Variants in RBM12 observed in about 807,000 individuals in gnomAD.
RBM12 encodes the protein RNA-binding protein 12.
Under a neutral mutation model 37.2 loss-of-function variants are expected in RBM12, and 24 were observed. The observed-to-expected ratio is 0.65, with a 90% confidence interval of 0.47 to 0.91. RBM12 has a LOEUF of 0.91. RBM12 is among the 40% of genes least tolerant of loss of function. The pLI is 0.00. For missense variants in RBM12, 1,061 were observed against 1,183.2 expected, an observed-to-expected ratio of 0.90 and a Z score of 1.52; for synonymous variants, 420 against 425.2, an observed-to-expected ratio of 0.99 and a Z score of 0.15.
rs1228725956 is a variant in RBM12, at chr20:35,655,161, C to G, written c.162G>C (p.Arg54Ser). 6.2e-7 allele frequency: 1 copy of G among 1,614,080 alleles called. No individual in the cohort carries two copies. The highest frequency in any genetic ancestry group is 8.5e-7 in the Non-Finnish European group (1 of 1,180,048). ...TACCACCTGTGCGCATCATACCAAG[C>G]CTTGCATCTTCATCAGTGGCAAAAA... ...FIVFATDEDA[R>S]LGMMRTGGTI... Residue 54 changes from arginine to serine, a missense_variant, in exon 3 of 3, where the codon AGG becomes AGC. By Grantham distance (110) the Arg-to-Ser change is moderately radical. This residue lies in a region of RBM12 where 540 missense variants were observed against 632.7 expected (regional missense o/e 0.85). Coordinates refer to ENST00000374114, the MANE Select transcript of RBM12 (RefSeq NM_006047.6).
chr20:35,656,349 T>C (rs2033895420), intron 2 of RBM12, among the ~76,000 whole-genome samples: 1 of 152,102 alleles, frequency 6.6e-6, no homozygotes, highest in Admixed American at 6.6e-5. Context: ...TTTGACATAA[T>C]CAAAAAAGAA....
At position 35,652,467 on chromosome 20, in the gene RBM12, T is replaced by C. The variant is rs1333610661; in HGVS notation, c.*57A>G. The C allele has an allele frequency of 1.3e-6, 2 of 1,525,156 alleles. No individual in the cohort carries two copies. Among genetic ancestry groups the C allele is most frequent in the Non-Finnish European group, 1.8e-6 (2 of 1,132,266 alleles). 94.5% of individuals were successfully genotyped at this position (1,525,156 alleles called of 1,614,324 possible). A position where few individuals can be genotyped will look rare whatever the true frequency, so the allele number is the denominator to read the frequency against. The stretch of plus-strand genomic sequence containing the variant: ...ACCTGGAAATACTAGGAAAACAATC[T>C]GGATGCATTAATCACAGCAATATGA... On this transcript the variant is annotated 3_prime_UTR_variant, in exon 3 of 3. Transcript: ENST00000374114.
intron 1 of RBM12, among the ~76,000 whole-genome samples, chr20:35,662,191 T>C (rs188861582): frequency 1.7e-3 from 259 of 152,326 alleles, no homozygotes; most frequent in African/African-American, 6.0e-3. Context: ...CAGAAGACAT[T>C]TCTAAATAAG....
chr20:35,658,272 T>G (rs970634904), intron 2 of RBM12, among the ~76,000 whole-genome samples: 1 of 152,126 alleles, frequency 6.6e-6, no homozygotes, highest in Non-Finnish European at 1.5e-5. Context: ...CTTAAACTCT[T>G]AGGAAATATA....
At position 35,652,462 on chromosome 20, in the gene RBM12, C is replaced by G; in HGVS notation, c.*62G>C. ...TTCTAACCTGGAAATACTAGGAAAACAATCTGGATGCATTAATCACAGCAA... is the reference window on the plus strand; with the variant it reads ...TTCTAACCTGGAAATACTAGGAAAAGAATCTGGATGCATTAATCACAGCAA... On this transcript the variant is annotated 3_prime_UTR_variant, in exon 3 of 3. Transcript: ENST00000374114. 6.6e-7 allele frequency: 1 copy of G among 1,517,836 alleles called. No individual in the cohort carries two copies. Among genetic ancestry groups the G allele is most frequent in the East Asian group, 2.3e-5 (1 of 44,146 alleles). 94.0% of individuals were successfully genotyped at this position (1,517,836 alleles called of 1,614,324 possible).
chr20:35,657,853 GA>G (rs2033992896), intron 2 of RBM12, among the ~76,000 whole-genome samples: 1 of 152,116 alleles, frequency 6.6e-6, no homozygotes, highest in African/African-American at 2.4e-5. Context: ...CCGAGGTCAG[GA>G]GTTCAAGACC....
intron 1 of RBM12, among the ~76,000 whole-genome samples, chr20:35,659,411 AC>A (rs1255846864): frequency 1.3e-5 from 2 of 152,240 alleles, no homozygotes; most frequent in Non-Finnish European, 2.9e-5. Context: ...ATGAAAAGGC[AC>A]AAGTTCGCAC....
chr20:35,650,417 C>A lies in RBM12; in HGVS notation c.*2107G>T, dbSNP rs966553717. ...AAAAGACTTTCATCTTCAAACAACC[C>A]ATTTTTCTAAAATGAAAATAGCTTT... On this transcript the variant is annotated 3_prime_UTR_variant, in exon 3 of 3. Coordinates refer to ENST00000374114, the MANE Select transcript of RBM12 (RefSeq NM_006047.6). 1.3e-5 allele frequency: 2 copies of A among 152,544 alleles called. No homozygotes were observed. Among genetic ancestry groups the A allele is most frequent in the African/African-American group, 2.4e-5 (1 of 41,422 alleles). 9.4% of individuals were successfully genotyped at this position (152,544 alleles called of 1,614,324 possible). A position where few individuals can be genotyped will look rare whatever the true frequency, so the allele number is the denominator to read the frequency against.
At chr20:35,659,138 CAAAAAAAAAA>C (rs370328377) in intron 1 of RBM12, 124 bp from the exon 2 acceptor site, 5 of 272,334 alleles carry the variant, frequency 1.8e-5, no homozygotes, top group South Asian at 1.7e-4. Context: ...GAATGCATAT[CAAAAAAAAAA>C]AAAAAAAGAA....
intron 2 of RBM12, among the ~76,000 whole-genome samples, chr20:35,657,811 A>G (rs1488275958): frequency 6.6e-6 from 1 of 152,192 alleles, no homozygotes; most frequent in Non-Finnish European, 1.5e-5. Context: ...CTGTAACCCC[A>G]GCACTTTGGG....
Position 35,651,179 on chromosome 20 carries a change from A to G in RBM12, c.*1345T>C, listed in dbSNP as rs1029238867. The G allele has an allele frequency of 6.6e-6, 1 of 152,220 alleles. No homozygotes were observed. The highest frequency in any genetic ancestry group is 1.5e-5 in the Non-Finnish European group (1 of 68,026). The allele number at this position is 152,220 out of a possible 1,614,324, so 9.4% of individuals were successfully genotyped here. On this transcript the variant is annotated 3_prime_UTR_variant, in exon 3 of 3. Coordinates refer to ENST00000374114, the MANE Select transcript of RBM12 (RefSeq NM_006047.6). The stretch of plus-strand genomic sequence containing the variant: ...TCCCCTTCCGTATTGTTTATAATAT[A>G]ATGTGACACATCTTCAGAGCACTGA...
rs989568859 is a variant in RBM12, at chr20:35,650,347, T to C, written c.*2177A>G. On this transcript the variant is annotated 3_prime_UTR_variant, in exon 3 of 3. Coordinates refer to ENST00000374114, the MANE Select transcript of RBM12 (RefSeq NM_006047.6). ...GCAATAAAGTGTATGAAATATTTAA[T>C]AAGAATGTACGAACATATAACCAAA... 1 of 152,334 alleles carries C rather than the reference T, an allele frequency of 6.6e-6. No homozygotes were observed. The highest frequency in any genetic ancestry group is 2.4e-5 in the African/African-American group (1 of 41,438). 9.4% of individuals were successfully genotyped at this position (152,334 alleles called of 1,614,324 possible).
chr20:35,655,143 T>C lies in RBM12; in HGVS notation c.180A>G (p.Thr60=). 6.2e-7 allele frequency: 1 copy of C among 1,614,224 alleles called. No individual in the cohort carries two copies. The highest frequency in any genetic ancestry group is 1.7e-5 in the Admixed American group (1 of 60,024). The change falls in exon 3 of 3, where the codon ACA becomes ACG. Residue 60 remains threonine, a synonymous_variant. Transcript: ENST00000374114. ...DEDARLGMMR[T]GGTIKGSKVT... The stretch of plus-strand genomic sequence containing the variant: ...CTTTTGACCCTTTAATTGTACCACC[T>C]GTGCGCATCATACCAAGCCTTGCAT...
intron 1 of RBM12, among the ~76,000 whole-genome samples, chr20:35,662,093 A>T (rs1255891121): frequency 6.6e-6 from 1 of 152,196 alleles, no homozygotes; most frequent in African/African-American, 2.4e-5. Flanking sequence ...TGAAAAAATT[A>T]TTCTGACACT....
At position 35,654,298 on chromosome 20, in the gene RBM12, T is replaced by G; in HGVS notation, c.1025A>C (p.Asn342Thr). ...AAACTTAACCAATCCATTCCCATTA[T>G]TTCGACCTACATGATCTTTCAACAA... ...VHLLKDHVGRNNGNGLVKFLS... is the reference protein window; with the variant it reads ...VHLLKDHVGRTNGNGLVKFLS... Residue 342 changes from asparagine to threonine, a missense_variant, in exon 3 of 3, where the codon AAT becomes ACT. Asn to Thr is a moderately conservative substitution (Grantham distance 65). Transcript: ENST00000374114. 6.2e-7 allele frequency: 1 copy of G among 1,614,202 alleles called. No individual in the cohort carries two copies. The highest frequency in any genetic ancestry group is 8.5e-7 in the Non-Finnish European group (1 of 1,180,034).
At position 35,654,651 on chromosome 20, in the gene RBM12, G is replaced by GGGCACAGGA. The variant is rs768028697; in HGVS notation, c.663_671dup (p.Val223_Pro225dup). Reference sequence around the variant, plus strand: ...GCACAGAAGGAACTGGGGGAATCGGGGGCACAGGAGGCACAGGAGGCAATG... The same window carrying GGGCACAGGA: ...GCACAGAAGGAACTGGGGGAATCGGGGGCACAGGAGGCACAGGAGGCACAGGAGGCAATG... On this transcript the variant is annotated inframe_insertion, in exon 3 of 3. Coordinates refer to ENST00000374114, the MANE Select transcript of RBM12 (RefSeq NM_006047.6). 6.2e-7 allele frequency: 1 copy of GGGCACAGGA among 1,613,820 alleles called. No individual in the cohort carries two copies.
intron 2 of RBM12, among the ~76,000 whole-genome samples, chr20:35,655,591 T>A (rs1336496789): frequency 1.3e-5 from 2 of 152,010 alleles, no homozygotes; most frequent in African/African-American, 4.8e-5. Context: ...CTCAAAAAGT[T>A]CAAGAAAAAA....
Position 35,652,411 on chromosome 20 carries a change from T to C in RBM12, c.*113A>G, listed in dbSNP as rs1029783009. 1.6e-6 allele frequency: 2 copies of C among 1,252,224 alleles called. No individual in the cohort carries two copies. Among genetic ancestry groups the C allele is most frequent in the African/African-American group, 3.0e-5 (2 of 66,386 alleles). The allele number at this position is 1,252,224 out of a possible 1,614,324, so 77.6% of individuals were successfully genotyped here. A position where few individuals can be genotyped will look rare whatever the true frequency, so the allele number is the denominator to read the frequency against. ...ATGCTCTATGTTATGGAAACCAAGC[T>C]ATATGCAATTGAAACAATCCACAGG... On this transcript the variant is annotated 3_prime_UTR_variant, in exon 3 of 3. Transcript: ENST00000374114.
Position 35,655,059 on chromosome 20 carries a change from C to T in RBM12, c.264G>A (p.Arg88=), listed in dbSNP as rs767562243. The change falls in exon 3 of 3, where the codon AGG becomes AGA. Residue 88 remains arginine, a synonymous_variant. Transcript: ENST00000374114. ...TATCTAAGTTGGCAGTTTCAAAACG[C>T]CTACGACTCAGTTCAATCATATTCT... ...EMQNMIELSR[R]RFETANLDIP... 17 of 1,614,106 alleles carry T rather than the reference C, an allele frequency of 1.1e-5. No individual in the cohort carries two copies. The highest frequency in any genetic ancestry group is 1.4e-5 in the Non-Finnish European group (17 of 1,180,014).
Sources: allele counts gnomAD v4.1 joint callset (sites outside exome capture counted in the v4.1 genomes callset), GRCh38; gene constraint gnomAD v4.1.1; regional missense constraint gnomAD v4.1.1; transcripts MANE v1.5; gene names NCBI Gene and HGNC (gene_info 2026-07-23, HGNC 2026-07-21).